Variants in SPOCK3 observed in about 807,000 individuals in gnomAD.
SPOCK3 encodes the protein SPARC (osteonectin), cwcv and kazal like domains proteoglycan 3.
Under a neutral mutation model 56.6 loss-of-function variants are expected in SPOCK3, and 30 were observed. That is an observed-to-expected ratio of 0.53 (90% CI 0.40 to 0.72). The LOEUF (loss-of-function observed/expected upper bound fraction) is 0.72. Among genes scored for constraint, SPOCK3 ranks in the 30% least tolerant of loss-of-function variants. SPOCK3 has a pLI of 0.00. For missense variants in SPOCK3, 527 were observed against 530.0 expected (o/e 0.99, Z 0.06); for synonymous variants, 196 against 183.3 (o/e 1.07, Z -0.56).
chr4:166,966,442 A>T (rs1744745496), intron 4 of SPOCK3, among the ~76,000 whole-genome samples: 1 of 152,036 alleles, frequency 6.6e-6, no homozygotes, highest in Non-Finnish European at 1.5e-5. Flanking sequence ...CCTTCAGACA[A>T]CCATTTTACT....
intron 2 of SPOCK3, among the ~76,000 whole-genome samples, chr4:167,116,475 T>A (rs1256091901): frequency 1.4e-5 from 1 of 73,716 alleles, no homozygotes; most frequent in African/African-American, 5.2e-5. Context: ...CACACTTTTG[T>A]ATATATATAC....
intron 2 of SPOCK3, among the ~76,000 whole-genome samples, chr4:167,125,513 A>C (rs1181498204): frequency 6.6e-6 from 1 of 151,402 alleles, no homozygotes; most frequent in African/African-American, 2.4e-5. Context: ...GGAGATTGAG[A>C]CCATCCTGGC....
intron 2 of SPOCK3, among the ~76,000 whole-genome samples, chr4:167,070,539 C>T (rs1580197369): frequency 6.6e-6 from 1 of 151,998 alleles, no homozygotes. Context: ...TCAAACCAAA[C>T]TTTAGAATTT....
intron 8 of SPOCK3, among the ~76,000 whole-genome samples, chr4:166,747,485 C>CA (rs1438344078): frequency 1.3e-5 from 2 of 152,160 alleles, no homozygotes; most frequent in African/African-American, 4.8e-5. Flanking sequence ...GGACATATCT[C>CA]AAAATAATAA....
intron 4 of SPOCK3, among the ~76,000 whole-genome samples, chr4:166,960,028 G>C (rs946058953): frequency 6.6e-6 from 1 of 152,062 alleles, no homozygotes; most frequent in Non-Finnish European, 1.5e-5. Context: ...GTTACCCCTA[G>C]AGTATAAACC....
At chr4:166,945,385 C>T (rs1020269383) in intron 4 of SPOCK3, among the ~76,000 whole-genome samples, 7 of 152,128 alleles carry the variant, frequency 4.6e-5, no homozygotes, top group African/African-American at 1.7e-4. Flanking sequence ...TAATATAACA[C>T]TTCAAGATTT....
intron 2 of SPOCK3, among the ~76,000 whole-genome samples, chr4:167,182,353 C>A (rs1731544504): frequency 6.8e-6 from 1 of 147,556 alleles, no homozygotes; most frequent in African/African-American, 2.5e-5. Context: ...AACCCTTTCA[C>A]ATTTATATAT....
At chr4:166,952,254 T>C (rs1372757011) in intron 4 of SPOCK3, among the ~76,000 whole-genome samples, 2 of 152,090 alleles carry the variant, frequency 1.3e-5, no homozygotes, top group African/African-American at 4.8e-5. Flanking sequence ...ACAAAATCAA[T>C]GTACAAAAAT....
rs759699497 is a variant in SPOCK3 at position 167,206,853 on chromosome 4, G to GA, written c.189+27131dup. On this transcript the variant is annotated intron_variant, in intron 2 of 10. Transcript: ENST00000357545. ...GCTGCCAATTTGAAAGTAGTCCATA[G>GA]AAAAAAAATCTGTTATAGGATACAA... Among the ~76,000 whole-genome samples, 49 of 151,440 alleles carry GA rather than the reference G, an allele frequency of 3.2e-4. 1 individual carries two copies. In the East Asian group the frequency reaches 3.9e-3, roughly 12 times the overall value.
intron 2 of SPOCK3, among the ~76,000 whole-genome samples, chr4:167,143,563 C>A (rs2150402901): frequency 6.6e-6 from 1 of 152,026 alleles, no homozygotes; most frequent in South Asian, 2.1e-4. Flanking sequence ...ACATACATAC[C>A]TTTCACTTTG....
intron 2 of SPOCK3, among the ~76,000 whole-genome samples, chr4:167,185,476 C>T (rs1731862720): frequency 6.6e-6 from 1 of 151,944 alleles, no homozygotes; most frequent in South Asian, 2.1e-4. Context: ...TTTCTCATTC[C>T]TCTGCCTTCT....
intron 2 of SPOCK3, among the ~76,000 whole-genome samples, chr4:167,146,446 T>C (rs147344187): frequency 0.015 from 2,324 of 151,986 alleles, 67 homozygotes; most frequent in African/African-American, 0.052. Flanking sequence ...GAACTCAGCT[T>C]TGGACCAAGC....
At chr4:166,971,525 G>T (rs1329506144) in intron 4 of SPOCK3, among the ~76,000 whole-genome samples, 3 of 151,848 alleles carry the variant, frequency 2.0e-5, no homozygotes, top group Non-Finnish European at 4.4e-5. Context: ...AGAAGAGAAA[G>T]TATTTTTTCA....
intron 7 of SPOCK3, among the ~76,000 whole-genome samples, chr4:166,781,752 G>A (rs756731793): frequency 6.6e-6 from 1 of 151,940 alleles, no homozygotes; most frequent in Non-Finnish European, 1.5e-5. Flanking sequence ...ACTGTTTAAA[G>A]AGTGATGAGG....
intron 2 of SPOCK3, among the ~76,000 whole-genome samples, chr4:167,133,124 T>C (rs1254676569): frequency 6.6e-6 from 1 of 152,162 alleles, no homozygotes; most frequent in Non-Finnish European, 1.5e-5. Flanking sequence ...ACAATGCAAA[T>C]GGGTTTTTCC....
intron 2 of SPOCK3, among the ~76,000 whole-genome samples, chr4:167,139,769 T>C (rs1230143425): frequency 6.6e-6 from 1 of 152,040 alleles, no homozygotes; most frequent in Non-Finnish European, 1.5e-5. Context: ...GAAACTTAAA[T>C]AACATCTCCA....
At chr4:166,801,670 C>G (rs1481742347) in intron 6 of SPOCK3, among the ~76,000 whole-genome samples, 1 of 151,676 alleles carries the variant, frequency 6.6e-6, no homozygotes, top group Non-Finnish European at 1.5e-5. Flanking sequence ...AATTTAAATT[C>G]CAGAAAATAT....
At chr4:166,743,781 A>C (rs1354109777) in intron 8 of SPOCK3, among the ~76,000 whole-genome samples, 1 of 152,200 alleles carries the variant, frequency 6.6e-6, no homozygotes, top group African/African-American at 2.4e-5. Context: ...CAACGGTCTT[A>C]GCAGATGGCA....
At chr4:166,886,973 AGAG>A (rs1734262913) in intron 6 of SPOCK3, among the ~76,000 whole-genome samples, 1 of 152,174 alleles carries the variant, frequency 6.6e-6, no homozygotes, top group South Asian at 2.1e-4. Context: ...ACAATTTGTC[AGAG>A]GAGGATTAGT....
Sources: gnomAD v4.1 joint callset for allele counts (sites outside exome capture counted in the v4.1 genomes callset) on GRCh38, gnomAD v4.1.1 for gene constraint, MANE v1.5 for transcripts, NCBI Gene and HGNC (gene_info 2026-07-23, HGNC 2026-07-21) for gene names.